Variants in EFCAB6 observed in about 807,000 individuals in gnomAD.
The protein encoded by EFCAB6 is EF-hand calcium-binding domain-containing protein 6.
In EFCAB6, 156 loss-of-function variants were observed where a neutral mutation model predicts 169.8. The ratio of observed to expected loss-of-function variants is 0.92; its 90% CI spans 0.81 to 1.05. EFCAB6 has a LOEUF of 1.05. EFCAB6 is among the 50% of genes least tolerant of loss of function. EFCAB6 has a pLI of 0.00. For missense variants in EFCAB6, 1,800 were observed against 1,829.1 expected (o/e 0.98, Z 0.29); for synonymous variants, 698 against 676.4 (o/e 1.03, Z -0.50).
At chr22:43,797,211 G>A (rs2148151590) in intron 2 of EFCAB6, 1 of 152,768 alleles carries the variant, frequency 6.5e-6, no homozygotes, top group Admixed American at 6.5e-5. Context: ...CTGTATCAGT[G>A]AGCACAGATG....
intron 6 of EFCAB6, among the ~76,000 whole-genome samples, chr22:43,745,679 A>C (rs1306469183): frequency 1.3e-5 from 2 of 152,246 alleles, no homozygotes; most frequent in African/African-American, 4.8e-5. Context: ...TAAGAAGTAC[A>C]GATTTGAAAT....
intron 12 of EFCAB6, among the ~76,000 whole-genome samples, chr22:43,680,788 T>A (rs1222834910): frequency 6.6e-6 from 1 of 152,358 alleles, no homozygotes; most frequent in South Asian, 2.1e-4. Context: ...GATTTTTGTA[T>A]GTTAATCTTA....
chr22:43,688,421 T>C (rs549273171), intron 10 of EFCAB6, among the ~76,000 whole-genome samples: 16 of 152,358 alleles, frequency 1.1e-4, no homozygotes, highest in African/African-American at 3.8e-4. Flanking sequence ...CAAGAATAAT[T>C]GGAAAATTGT....
chr22:43,754,158 A>C (rs1299213769), intron 6 of EFCAB6, among the ~76,000 whole-genome samples: 1 of 152,246 alleles, frequency 6.6e-6, no homozygotes, highest in Non-Finnish European at 1.5e-5. Context: ...CTTCAAAGGA[A>C]GCTGTAGGGA....
intron 6 of EFCAB6, among the ~76,000 whole-genome samples, chr22:43,743,598 C>T (rs190364107): frequency 3.3e-5 from 5 of 152,258 alleles, no homozygotes; most frequent in Admixed American, 2.6e-4. Context: ...ACACGGAACA[C>T]GTTCAATAAA....
At chr22:43,664,046 C>G (rs570893635) in intron 17 of EFCAB6, among the ~76,000 whole-genome samples, 44 of 152,330 alleles carry the variant, frequency 2.9e-4, no homozygotes, top group African/African-American at 1.0e-3. Flanking sequence ...CTCCAAGAAG[C>G]CCGCAGATAG....
chr22:43,545,230 T>C (rs577545694), intron 27 of EFCAB6, among the ~76,000 whole-genome samples: 12 of 151,954 alleles, frequency 7.9e-5, no homozygotes, highest in Non-Finnish European at 1.0e-4. Flanking sequence ...GGTGTCTTTT[T>C]CAGTGGCCAG....
intron 10 of EFCAB6, among the ~76,000 whole-genome samples, chr22:43,701,706 A>G (rs2058772685): frequency 6.6e-6 from 1 of 151,370 alleles, no homozygotes; most frequent in African/African-American, 2.4e-5. Context: ...ATATTAGGAT[A>G]AAGAGTTTTG....
At chr22:43,798,877 G>C (rs2062604544) in intron 2 of EFCAB6, among the ~76,000 whole-genome samples, 1 of 152,172 alleles carries the variant, frequency 6.6e-6, no homozygotes, top group African/African-American at 2.4e-5. Context: ...CTGCATCCCT[G>C]AGGTCACTGT....
chr22:43,554,796 T>C, intron 27 of EFCAB6, 73 bp downstream of exon 27: 1 of 1,315,384 alleles, frequency 7.6e-7, no homozygotes. Context: ...TTAAACTCTG[T>C]ACATTCTGGC....
rs73432099 is a variant in EFCAB6 at position 43,667,525 on chromosome 22, G to T, written c.1815-253C>A. Among the ~76,000 whole-genome samples, 1,112 of 152,246 alleles carry T rather than the reference G, an allele frequency of 7.3e-3. 17 individuals carry two copies. The highest frequency in any genetic ancestry group is 0.026 in the African/African-American group (1,072 of 41,528). On this transcript the variant is annotated intron_variant, in intron 16 of 31. Coordinates refer to ENST00000262726, the MANE Select transcript of EFCAB6 (RefSeq NM_022785.4). ...TGTACAGTGGCAGGCTGGGGACAGG[G>T]GAACTTGCAGGGAGAGAATATTATG... is the stretch of plus-strand genomic sequence containing the variant.
intron 2 of EFCAB6, among the ~76,000 whole-genome samples, chr22:43,789,961 G>A (rs921850230): frequency 6.6e-6 from 1 of 152,020 alleles, no homozygotes; most frequent in African/African-American, 2.4e-5. Flanking sequence ...GGATGTGGAT[G>A]GCACTATACG....
chr22:43,712,120 T>C (rs1046217382), intron 9 of EFCAB6, among the ~76,000 whole-genome samples: 6 of 152,160 alleles, frequency 3.9e-5, no homozygotes, highest in Non-Finnish European at 5.9e-5. Context: ...TAATCATCCT[T>C]TTCTTTTTTT....
intron 6 of EFCAB6, among the ~76,000 whole-genome samples, chr22:43,741,837 G>A (rs113145483): frequency 0.083 from 12,653 of 152,114 alleles, 654 homozygotes; most frequent in South Asian, 0.16. Context: ...CTGCCATCTT[G>A]GTTTATTTCT....
chr22:43,678,767 CA>C (rs2147067511), intron 12 of EFCAB6, among the ~76,000 whole-genome samples: 1 of 152,176 alleles, frequency 6.6e-6, no homozygotes, highest in East Asian at 1.9e-4. Context: ...GTAGACTGAA[CA>C]CCAAAATTGA....
chr22:43,559,547 A>G (rs760158360), intron 26 of EFCAB6, among the ~76,000 whole-genome samples: 32 of 152,254 alleles, frequency 2.1e-4, no homozygotes, highest in Non-Finnish European at 3.7e-4. Flanking sequence ...ATTCTACTAT[A>G]AAGACACATA....
chr22:43,750,616 T>C (rs1471560225), intron 6 of EFCAB6, among the ~76,000 whole-genome samples: 1 of 152,186 alleles, frequency 6.6e-6, no homozygotes, highest in African/African-American at 2.4e-5. Context: ...TTTTAGTAAA[T>C]GGCCTCATTT....
chr22:43,716,135 G>A lies in EFCAB6; in HGVS notation c.882+713C>T, dbSNP rs566879623. ...ATTCTAAATTTCAACATTAATACAT[G>A]TTTACCCACATTACTTACATTTAAA... On this transcript the variant is annotated intron_variant, in intron 9 of 31. Transcript: ENST00000262726. Among the ~76,000 whole-genome samples, 5 of 152,246 alleles carry A rather than the reference G, an allele frequency of 3.3e-5. No homozygotes were observed. In the East Asian group the frequency reaches 9.6e-4, roughly 29 times the overall value.
intron 2 of EFCAB6, among the ~76,000 whole-genome samples, chr22:43,804,902 A>G (rs1262900743): frequency 1.3e-5 from 2 of 152,202 alleles, no homozygotes; most frequent in African/African-American, 4.8e-5. Context: ...AAGAGAGAAG[A>G]CCCAAGTTGG....
Sources: gnomAD v4.1 joint callset for allele counts (sites outside exome capture counted in the v4.1 genomes callset) on GRCh38, gnomAD v4.1.1 for gene constraint, MANE v1.5 for transcripts, NCBI Gene and HGNC (gene_info 2026-07-23, HGNC 2026-07-21) for gene names.